Variants in KCNQ5 observed in about 807,000 individuals in gnomAD.
The protein encoded by KCNQ5 is potassium voltage-gated channel subfamily Q member 5.
A neutral mutation model predicts 98.2 loss-of-function variants in KCNQ5; 30 were observed. The observed-to-expected ratio is 0.31, with a 90% CI of 0.23 to 0.41. The LOEUF (loss-of-function observed/expected upper bound fraction) is 0.41, where lower values mean the gene tolerates loss of function less well. Among genes scored for constraint, KCNQ5 ranks in the 10% least tolerant of loss-of-function variants. The probability of loss-of-function intolerance (pLI) is 1.00; values close to 1 mark genes in which losing one functional copy is unlikely to be tolerated. For synonymous variants in KCNQ5, 458 were observed against 449.4 expected (o/e 1.02, Z -0.24); for missense variants, 835 against 1,182.5 (o/e 0.71, Z 4.31).
chr6:73,110,687 T>A (rs547038593), intron 6 of KCNQ5, among the ~76,000 whole-genome samples: 1 of 152,342 alleles, frequency 6.6e-6, no homozygotes, highest in South Asian at 2.1e-4. Flanking sequence ...AAACTGAGTA[T>A]CCCTGCTCTC....
chr6:73,115,426 A>G (rs1775450800), intron 7 of KCNQ5, among the ~76,000 whole-genome samples: 1 of 152,174 alleles, frequency 6.6e-6, no homozygotes, highest in Admixed American at 6.5e-5. Context: ...GAGTGGCCAC[A>G]GTAGAAGAGC....
intron 1 of KCNQ5, among the ~76,000 whole-genome samples, chr6:72,949,885 A>G (rs949266947): frequency 2.6e-5 from 4 of 152,140 alleles, no homozygotes; most frequent in African/African-American, 9.7e-5. Flanking sequence ...ATTTAATGCT[A>G]TATTTAACCA....
At chr6:72,674,341 G>A (rs1241848928) in intron 1 of KCNQ5, among the ~76,000 whole-genome samples, 12 of 152,002 alleles carry the variant, frequency 7.9e-5, no homozygotes, top group Non-Finnish European at 1.8e-4. Context: ...CCTTAAGAAA[G>A]TGGGCTATAT....
intron 1 of KCNQ5, among the ~76,000 whole-genome samples, chr6:72,899,921 C>T (rs755752443): frequency 5.3e-5 from 8 of 152,040 alleles, no homozygotes; most frequent in Non-Finnish European, 1.0e-4. Flanking sequence ...TCTCAGCTCA[C>T]TGCAACCTCT....
intron 10 of KCNQ5, among the ~76,000 whole-genome samples, chr6:73,159,047 G>A (rs1777505192): frequency 6.6e-6 from 1 of 152,134 alleles, no homozygotes; most frequent in Admixed American, 6.5e-5. Flanking sequence ...AACTTACCTT[G>A]TATAAAATTG....
intron 2 of KCNQ5, among the ~76,000 whole-genome samples, chr6:73,010,848 C>T (rs747480612): frequency 7.2e-5 from 11 of 151,948 alleles, no homozygotes; most frequent in Admixed American, 6.6e-4. Flanking sequence ...ATGAAAACTA[C>T]AATAACATTG....
chr6:72,928,381 C>T (rs951379784), intron 1 of KCNQ5, among the ~76,000 whole-genome samples: 4 of 152,040 alleles, frequency 2.6e-5, no homozygotes, highest in African/African-American at 9.7e-5. Flanking sequence ...TCTAAGGAAT[C>T]TTGTGGATTC....
chr6:73,045,584 GAAAACAC>G (rs1401050767), intron 3 of KCNQ5, among the ~76,000 whole-genome samples: 1 of 152,106 alleles, frequency 6.6e-6, no homozygotes, highest in East Asian at 1.9e-4. Flanking sequence ...TTCTCTATGT[GAAAACAC>G]AAAACACTCA....
rs189132427 is a variant in KCNQ5 at position 72,802,331 on chromosome 6, T to C, written c.398+179744T>C. On this transcript the variant is annotated intron_variant, in intron 1 of 13. Transcript: ENST00000370398. ...CTTGGAGGCTTTGTTCGTTTCTTTT[T>C]ATTCTTTTTTCTCTAAACTTCCCTT... Among the ~76,000 whole-genome samples the C allele has an allele frequency of 7.4e-3, 1,125 of 152,296 alleles. 3 individuals carry two copies. The highest frequency in any genetic ancestry group is 0.017 in the Middle Eastern group (5 of 294).
At position 72,755,042 on chromosome 6, in the gene KCNQ5, G is replaced by T. The variant is rs556247157; in HGVS notation, c.398+132455G>T. Among the ~76,000 whole-genome samples, 49 of 151,238 alleles carry T rather than the reference G, an allele frequency of 3.2e-4. No homozygotes were observed. The South Asian group carries it at 8.4e-3, about 26-fold the overall frequency. On this transcript the variant is annotated intron_variant, in intron 1 of 13. Coordinates refer to ENST00000370398, the MANE Select transcript of KCNQ5 (RefSeq NM_019842.4). The stretch of plus-strand genomic sequence containing the variant: ...AAGTTCTGTTGTTAAATATATTCAG[G>T]TTTTTACATATTATTAAAGAATTGA...
intron 1 of KCNQ5, among the ~76,000 whole-genome samples, chr6:72,843,499 G>A (rs1373891589): frequency 6.6e-6 from 1 of 152,138 alleles, no homozygotes; most frequent in African/African-American, 2.4e-5. Flanking sequence ...ATTTAGTGTA[G>A]TTTTTTCCAA....
Position 72,900,818 on chromosome 6 carries a change from T to C in KCNQ5, c.399-103090T>C, listed in dbSNP as rs549718019. On this transcript the variant is annotated intron_variant, in intron 1 of 13. Transcript: ENST00000370398. ...ACTGCATCCACGCCAACACCTACTG[T>C]TTTTTTTATTTTTTTATGGCCATTC... 6.6e-5 allele frequency among the ~76,000 whole-genome samples: 10 copies of C among 151,124 alleles called. No individual in the cohort carries two copies. In the East Asian group the frequency reaches 1.6e-3, roughly 23 times the overall value.
intron 1 of KCNQ5, among the ~76,000 whole-genome samples, chr6:72,719,136 A>G (rs1769815627): frequency 1.3e-5 from 2 of 152,232 alleles, no homozygotes; most frequent in South Asian, 4.1e-4. Context: ...GTCTAAATGG[A>G]AAAATTCTAA....
chr6:73,007,068 G>C (rs927063269), intron 2 of KCNQ5, among the ~76,000 whole-genome samples: 5 of 151,974 alleles, frequency 3.3e-5, no homozygotes, highest in African/African-American at 1.2e-4. Flanking sequence ...AAGGACTTTC[G>C]CTGTCCATCC....
At chr6:72,848,283 A>C (rs1777100842) in intron 1 of KCNQ5, among the ~76,000 whole-genome samples, 1 of 151,758 alleles carries the variant, frequency 6.6e-6, no homozygotes, top group Non-Finnish European at 1.5e-5. Context: ...GGTTTGCTGC[A>C]TCTATCAACC....
intron 1 of KCNQ5, among the ~76,000 whole-genome samples, chr6:72,785,790 T>C (rs1422753904): frequency 6.6e-6 from 1 of 152,232 alleles, no homozygotes; most frequent in Non-Finnish European, 1.5e-5. Context: ...AAGTTGAAGC[T>C]AAATCATCAC....
At position 73,124,513 on chromosome 6, in the gene KCNQ5, G is replaced by T. The variant is rs1775869691; in HGVS notation, c.1247+1G>T. 1.2e-6 allele frequency: 2 copies of T among 1,613,186 alleles called. No individual in the cohort carries two copies. Among genetic ancestry groups the T allele is most frequent in the Non-Finnish European group, 1.7e-6 (2 of 1,179,420 alleles). ...AAGAACAAGGGGAAGCATCAAGCAG[G>T]TTTGTGATTTCTCTCTTGCTACATG... On this transcript the variant is annotated splice_donor_variant, in intron 9 of 13. Transcript: ENST00000370398. LOFTEE classifies it high-confidence loss of function.
intron 1 of KCNQ5, among the ~76,000 whole-genome samples, chr6:72,669,737 T>C (rs1043780038): frequency 6.6e-6 from 1 of 152,116 alleles, no homozygotes; most frequent in Non-Finnish European, 1.5e-5. Context: ...CCATTTTCTG[T>C]CTCCCCTATT....
At chr6:72,906,471 T>C (rs1218012512) in intron 1 of KCNQ5, among the ~76,000 whole-genome samples, 1 of 152,218 alleles carries the variant, frequency 6.6e-6, no homozygotes, top group South Asian at 2.1e-4. Context: ...TCCTTTTCCC[T>C]GTGGTGCTTT....
Sources: gnomAD v4.1 joint callset for allele counts (sites outside exome capture counted in the v4.1 genomes callset) on GRCh38, gnomAD v4.1.1 for gene constraint, MANE v1.5 for transcripts, NCBI Gene and HGNC (gene_info 2026-07-23, HGNC 2026-07-21) for gene names.